The following NPIPB2 variants were observed in gnomAD, a reference collection of about 807,000 sequenced individuals.
The protein encoded by NPIPB2 is nuclear pore complex-interacting protein family member B2.
In NPIPB2, 27 loss-of-function variants were observed where a neutral mutation model predicts 30.8. The observed-to-expected ratio is 0.88, with a 90% CI of 0.65 to 1.21. The LOEUF (loss-of-function observed/expected upper bound fraction) is 1.21, where lower values mean the gene tolerates loss of function less well. Ranked by LOEUF, NPIPB2 falls within the 50% of genes most tolerant of loss-of-function variation. The probability of loss-of-function intolerance (pLI) is 0.00; values close to 1 mark genes in which losing one functional copy is unlikely to be tolerated. For synonymous variants in NPIPB2, 147 were observed against 162.0 expected (o/e 0.91, Z 0.70); for missense variants, 440 against 446.2 (o/e 0.99, Z 0.13).
intron 2 of NPIPB2, among the ~76,000 whole-genome samples, 180 bp from the exon 3 acceptor site, chr16:11,934,104 G>A (rs1255299565): frequency 2.6e-5 from 4 of 151,746 alleles, no homozygotes; most frequent in Non-Finnish European, 5.9e-5. Flanking sequence ...GGCAGCGGGC[G>A]CCTGTAATCC....
chr16:11,933,950 C>G (rs539539248), intron 2 of NPIPB2, 26 bp from the exon 3 acceptor site: 2 of 1,502,342 alleles, frequency 1.3e-6, no homozygotes, highest in Non-Finnish European at 1.8e-6. Context: ...ATAAGAATGA[C>G]GGCTGGGCAC....
chr16:11,947,198 C>A (rs1422882243), intron 1 of NPIPB2, among the ~76,000 whole-genome samples: 3 of 147,766 alleles, frequency 2.0e-5, no homozygotes, highest in African/African-American at 2.4e-5. Flanking sequence ...AGGATATCCT[C>A]CTGCCTCAGC....
intron 2 of NPIPB2, among the ~76,000 whole-genome samples, chr16:11,934,594 C>T (rs1446954141): frequency 4.7e-5 from 7 of 149,538 alleles, no homozygotes; most frequent in East Asian, 3.9e-4. Context: ...GGTGCGGTAG[C>T]TCACGCCTGT....
intron 1 of NPIPB2, among the ~76,000 whole-genome samples, chr16:11,970,238 A>T (rs1313473969): frequency 1.3e-5 from 2 of 151,024 alleles, no homozygotes; most frequent in Non-Finnish European, 3.0e-5. Context: ...TTTGAGATGA[A>T]GTCTCACTCT....
chr16:11,975,193 G>T (rs2055269101), intron 1 of NPIPB2, among the ~76,000 whole-genome samples: 1 of 76,406 alleles, frequency 1.3e-5, no homozygotes, highest in Non-Finnish European at 2.3e-5. Context: ...TGTCGCCCAG[G>T]CTGGAGTGCA....
intron 2 of NPIPB2, among the ~76,000 whole-genome samples, chr16:11,934,727 T>A (rs1042196615): frequency 2.0e-5 from 3 of 148,852 alleles, no homozygotes; most frequent in African/African-American, 4.9e-5. Flanking sequence ...AGCATGGTGA[T>A]GCACGCCTGT....
chr16:11,955,306 A>G (rs2055100597), intron 1 of NPIPB2, among the ~76,000 whole-genome samples: 1 of 138,376 alleles, frequency 7.2e-6, no homozygotes, highest in Non-Finnish European at 1.5e-5. Context: ...GTGAACCAAG[A>G]TGGTACCACT....
At chr16:11,933,405 C>A in intron 4 of NPIPB2, 112 bp downstream of exon 4, 1 of 1,487,952 alleles carries the variant, frequency 6.7e-7, no homozygotes, top group Middle Eastern at 2.4e-4. Context: ...CAATTTTGAA[C>A]CCACTGAATT....
chr16:11,937,467 T>C lies in NPIPB2; in HGVS notation c.192+73A>G, dbSNP rs537672447. 9.4e-6 allele frequency: 8 copies of C among 849,758 alleles called. No homozygotes were observed. In the East Asian group the frequency reaches 1.6e-4, roughly 17 times the overall value. The allele number at this position is 849,758 out of a possible 1,614,324, so 52.6% of individuals were successfully genotyped here. A position where few individuals can be genotyped will look rare whatever the true frequency, so the allele number is the denominator to read the frequency against. ...ACATATTCATAATGAAGTCCAGAAA[T>C]GTGAATTGTTTTATATAATTTATTC... On this transcript the variant is annotated intron_variant, in intron 2 of 7. Transcript: ENST00000399147.
intron 1 of NPIPB2, among the ~76,000 whole-genome samples, chr16:11,976,289 C>T (rs779503589): frequency 4.6e-5 from 7 of 152,180 alleles, no homozygotes; most frequent in African/African-American, 9.6e-5. Flanking sequence ...TTGCAATTGC[C>T]CCTCCTTATG....
exon 8 of NPIPB2, chr16:11,927,538 C>T (rs537602553): frequency 6.3e-6 from 10 of 1,585,416 alleles, no homozygotes; most frequent in Admixed American, 1.7e-5. Context: ...CCATCTCAGC[C>T]GCTCTCCACC....
chr16:11,941,777 C>A, intron 1 of NPIPB2: 3 of 1,112,494 alleles, frequency 2.7e-6, no homozygotes, highest in Non-Finnish European at 3.9e-6. Context: ...AATGACCCCT[C>A]CCCCATCTCA....
chr16:11,940,633 C>T (rs550136442), intron 1 of NPIPB2, among the ~76,000 whole-genome samples: 2 of 144,814 alleles, frequency 1.4e-5, no homozygotes, highest in African/African-American at 5.1e-5. Flanking sequence ...ATTAGCCAGG[C>T]GTTGTAATCT....
intron 1 of NPIPB2, among the ~76,000 whole-genome samples, chr16:11,952,175 C>CAAAAAAA (rs112970450): frequency 7.8e-6 from 1 of 128,846 alleles, no homozygotes; most frequent in African/African-American, 2.9e-5. Context: ...AAAAACAAAA[C>CAAAAAAA]AAAAAAAAAA....
upstream of NPIPB2, among the ~76,000 whole-genome samples, chr16:11,942,512 T>C (rs938995939): frequency 6.6e-6 from 1 of 151,768 alleles, no homozygotes; most frequent in Admixed American, 6.6e-5. Context: ...AACCGAGTGA[T>C]GATGTCCTTA....
chr16:11,958,455 C>T (rs971443723), intron 1 of NPIPB2, among the ~76,000 whole-genome samples: 1 of 151,502 alleles, frequency 6.6e-6, no homozygotes, highest in African/African-American at 2.4e-5. Context: ...CTAGGCCAGG[C>T]ATGGTGGCTC....
intron 1 of NPIPB2, among the ~76,000 whole-genome samples, chr16:11,947,168 G>C (rs1470611432): frequency 6.8e-6 from 1 of 146,596 alleles, no homozygotes; most frequent in African/African-American, 2.5e-5. Flanking sequence ...TGCTCAGGCA[G>C]GTCTCAAACT....
At chr16:11,934,871 A>AG (rs2054844643) in intron 2 of NPIPB2, among the ~76,000 whole-genome samples, 2 of 149,448 alleles carry the variant, frequency 1.3e-5, no homozygotes, top group South Asian at 4.3e-4. Flanking sequence ...AAAAAAAAAA[A>AG]AAAATGACCT....
chr16:11,969,176 C>T (rs1003099177), intron 1 of NPIPB2, among the ~76,000 whole-genome samples: 1 of 151,762 alleles, frequency 6.6e-6, no homozygotes, highest in Non-Finnish European at 1.5e-5. Flanking sequence ...CCCAGTCATA[C>T]GCTTCTATGG....
Sources: gnomAD v4.1 joint callset for allele counts (sites outside exome capture counted in the v4.1 genomes callset) on GRCh38, gnomAD v4.1.1 for gene constraint, MANE v1.5 for transcripts, NCBI Gene and HGNC (gene_info 2026-07-23, HGNC 2026-07-21) for gene names.